KANK1: variants seen among roughly 807,000 people sequenced by gnomAD.
KANK1 encodes the protein KN motif and ankyrin repeat domain-containing protein 1.
KANK1 carries 109 observed loss-of-function variants against 106.2 expected under a neutral mutation model. That is an observed-to-expected ratio of 1.03 (90% confidence interval 0.88 to 1.20). The LOEUF (loss-of-function observed/expected upper bound fraction) is 1.20. Ranked by LOEUF, KANK1 falls within the 50% of genes most tolerant of loss-of-function variation. The pLI is 0.00. For synonymous variants in KANK1, 873 were observed against 652.2 expected (o/e 1.34, Z -5.16); for missense variants, 2,399 against 1,710.7 (o/e 1.40, Z -7.10).
At chr9:481,442 T>C (rs1228982003) in intron 3 of KANK1, among the ~76,000 whole-genome samples, 2 of 152,164 alleles carry the variant, frequency 1.3e-5, no homozygotes, top group Admixed American at 1.3e-4. Context: ...GTGATGTGTA[T>C]AAAAATAATG....
At chr9:706,884 T>C in intron 2 of KANK1, 8 of 985,298 alleles carry the variant, frequency 8.1e-6, no homozygotes, top group Non-Finnish European at 9.6e-6. Context: ...CAGTGACTAG[T>C]ATAGGAAAAA....
At chr9:703,571 A>G (rs1235014775) in intron 2 of KANK1, among the ~76,000 whole-genome samples, 1 of 152,166 alleles carries the variant, frequency 6.6e-6, no homozygotes, top group African/African-American at 2.4e-5. Context: ...CAGAATATTT[A>G]GTTGGAAGCT....
chr9:481,536 C>T (rs913882334), intron 3 of KANK1, among the ~76,000 whole-genome samples: 2 of 152,166 alleles, frequency 1.3e-5, no homozygotes, highest in Non-Finnish European at 2.9e-5. Context: ...ATGTGGTCTC[C>T]ATCCTCAGAA....
intron 3 of KANK1, chr9:488,983 C>T (rs1412024253): frequency 6.6e-6 from 1 of 152,060 alleles, no homozygotes; most frequent in Non-Finnish European, 1.5e-5. Context: ...CATCATGGCA[C>T]CATGCTGGGC....
intron 1 of KANK1, among the ~76,000 whole-genome samples, chr9:588,425 A>T (rs117548324): frequency 6.6e-6 from 1 of 152,204 alleles, no homozygotes; most frequent in Non-Finnish European, 1.5e-5. Flanking sequence ...TTGCTGAACA[A>T]TGATAGAATG....
intron 3 of KANK1, among the ~76,000 whole-genome samples, chr9:719,589 C>T (rs1828758534): frequency 6.6e-6 from 1 of 151,462 alleles, no homozygotes; most frequent in Non-Finnish European, 1.5e-5. Flanking sequence ...CTTTTAAAAT[C>T]CATTTTAATA....
At chr9:507,337 C>T (rs1349216299) in intron 1 of KANK1, among the ~76,000 whole-genome samples, 1 of 151,856 alleles carries the variant, frequency 6.6e-6, no homozygotes, top group African/African-American at 2.4e-5. Context: ...CCTAGATGAC[C>T]GAGCAATATC....
chr9:499,951 G>C (rs1003052829), upstream of KANK1, among the ~76,000 whole-genome samples: 3 of 152,172 alleles, frequency 2.0e-5, no homozygotes, highest in African/African-American at 7.2e-5. Context: ...AAGAGGATAA[G>C]GATTAGTCTA....
Position 711,122 on chromosome 9 carries a change from C to G in KANK1, c.356C>G (p.Ser119Ter), listed in dbSNP as rs1417349567. 6.2e-7 allele frequency: 1 copy of G among 1,614,078 alleles called. No homozygotes were observed. Among genetic ancestry groups the G allele is most frequent in the African/African-American group, 1.3e-5 (1 of 74,920 alleles). ...AGTCAAGTTACATCAACTCCAATCT[C>G]AAAGCCACCTCCCCCTCTGGAGACC... ...ARSQVTSTPI[S>*]KPPPPLETSL... is the part of the protein sequence containing the mutation. The change falls in exon 3 of 12, where the codon TCA becomes TGA. Residue 119 changes from serine (S) to a stop codon, truncating the protein, a stop_gained. Transcript: ENST00000382297. LOFTEE classifies it high-confidence loss of function.
At chr9:639,013 A>C (rs2137070443) in intron 1 of KANK1, among the ~76,000 whole-genome samples, 1 of 152,296 alleles carries the variant, frequency 6.6e-6, no homozygotes, top group Non-Finnish European at 1.5e-5. Flanking sequence ...GCTTCATAAA[A>C]TGAATAGTGC....
At chr9:634,261 A>G (rs1011424584) in intron 1 of KANK1, among the ~76,000 whole-genome samples, 2 of 152,094 alleles carry the variant, frequency 1.3e-5, no homozygotes, top group Non-Finnish European at 2.9e-5. Context: ...GGTGCTGCTG[A>G]TTGGTTGAGG....
At chr9:632,777 C>T (rs1032138783) in intron 1 of KANK1, among the ~76,000 whole-genome samples, 1 of 150,954 alleles carries the variant, frequency 6.6e-6, no homozygotes, top group African/African-American at 2.4e-5. Context: ...GCAGCCTACA[C>T]CTCCTGGGTT....
In KANK1 at chr9:713,028, G is replaced by C; in HGVS notation, c.2262G>C (p.Val754=). 1.2e-6 allele frequency: 2 copies of C among 1,614,174 alleles called. No homozygotes were observed. Among genetic ancestry groups the C allele is most frequent in the Non-Finnish European group, 1.7e-6 (2 of 1,180,020 alleles). ...CTGGGTTTGACAGGCCATCAGCTGT[G>C]AAGACCAAAGAGTCAGGTGTGGGGC... ...GHSGFDRPSA[V]KTKESGVGQI... is the part of the protein sequence containing the mutation. Residue 754 remains valine, a synonymous_variant, in exon 3 of 12, where the codon GTG becomes GTC. Transcript: ENST00000382297.
At position 607,809 on chromosome 9, in the gene KANK1, A is replaced by T. The variant is rs937681413; in HGVS notation, c.-83-69081A>T. On this transcript the variant is annotated intron_variant, in intron 1 of 11. Transcript: ENST00000382297. Reference sequence around the variant, plus strand: ...TGTGGTAACGATTTTAGGCAAAGAAAAAAAGCGCCGAAATGGATGTGGTGG... The same window carrying T: ...TGTGGTAACGATTTTAGGCAAAGAATAAAAGCGCCGAAATGGATGTGGTGG... Among the ~76,000 whole-genome samples, 11 of 151,672 alleles carry T rather than the reference A, an allele frequency of 7.3e-5. 1 individual carries two copies. The highest frequency in any genetic ancestry group is 1.6e-4 in the Non-Finnish European group (11 of 68,014).
At chr9:689,785 G>A (rs1329605372) in intron 2 of KANK1, among the ~76,000 whole-genome samples, 1 of 152,066 alleles carries the variant, frequency 6.6e-6, no homozygotes, top group African/African-American at 2.4e-5. Flanking sequence ...CAGGGGTTTG[G>A]GGAAGTCCAA....
At chr9:502,356 CTA>C (rs548674398), upstream of KANK1, among the ~76,000 whole-genome samples, 23 of 152,072 alleles carry the variant, frequency 1.5e-4, no homozygotes, top group South Asian at 4.4e-3. Context: ...AATAAAATAA[CTA>C]AATTAAAAAT....
At chr9:484,483 G>A (rs1257911577) in intron 3 of KANK1, 1 of 152,222 alleles carries the variant, frequency 6.6e-6, no homozygotes, top group Non-Finnish European at 1.5e-5. Flanking sequence ...AAAGTTAAAA[G>A]AGCCTCAAGC....
chr9:590,999 G>A (rs918660677), intron 1 of KANK1, among the ~76,000 whole-genome samples: 1 of 151,730 alleles, frequency 6.6e-6, no homozygotes, highest in African/African-American at 2.4e-5. Flanking sequence ...GGATAGTGGA[G>A]TTTAAAACAA....
intron 1 of KANK1, among the ~76,000 whole-genome samples, chr9:587,933 G>A (rs1823907720): frequency 6.6e-6 from 1 of 152,164 alleles, no homozygotes; most frequent in Non-Finnish European, 1.5e-5. Flanking sequence ...GGGCGTGGTG[G>A]CACATGCCTG....
Sources: gnomAD v4.1 joint callset for allele counts (sites outside exome capture counted in the v4.1 genomes callset) on GRCh38, gnomAD v4.1.1 for gene constraint, MANE v1.5 for transcripts, NCBI Gene and HGNC (gene_info 2026-07-23, HGNC 2026-07-21) for gene names.